The following LIPA variants were observed in gnomAD, a reference collection of about 807,000 sequenced individuals.
The protein encoded by LIPA is lysosomal acid lipase/cholesteryl ester hydrolase.
In LIPA, 26 loss-of-function variants were observed where a neutral mutation model predicts 40.6. The ratio of observed to expected loss-of-function variants is 0.64; its 90% CI spans 0.47 to 0.89. LIPA has a LOEUF of 0.89. Among genes scored for constraint, LIPA ranks in the 40% least tolerant of loss-of-function variants. The pLI is 0.00. For missense variants in LIPA, 455 were observed against 479.6 expected, an observed-to-expected ratio of 0.95 and a Z score of 0.48; for synonymous variants, 188 against 168.4, an observed-to-expected ratio of 1.12 and a Z score of -0.90.
intron 1 of LIPA, among the ~76,000 whole-genome samples, chr10:89,282,804 G>T (rs1363322700): frequency 6.6e-6 from 1 of 152,182 alleles, no homozygotes; most frequent in Non-Finnish European, 1.5e-5. Flanking sequence ...GCATTTCAGA[G>T]TTGAAATCAG....
chr10:89,403,464 A>C (rs771744609), intron 2 of LIPA: 14 of 1,613,370 alleles, frequency 8.7e-6, no homozygotes, highest in Non-Finnish European at 1.2e-5. Context: ...ATCTGACGTC[A>C]ATGCAATTAT....
At chr10:89,318,611 A>G (rs892743392) in intron 1 of LIPA, among the ~76,000 whole-genome samples, 3 of 152,182 alleles carry the variant, frequency 2.0e-5, no homozygotes. Context: ...AACAATAATA[A>G]CAGGAGACTT....
At chr10:89,354,045 A>G (rs900604240) in intron 2 of LIPA, among the ~76,000 whole-genome samples, 1 of 152,122 alleles carries the variant, frequency 6.6e-6, no homozygotes, top group Non-Finnish European at 1.5e-5. Context: ...ACTTGCCTCA[A>G]TCTCTCTCTT....
chr10:89,312,605 G>A (rs1050259459), intron 1 of LIPA, among the ~76,000 whole-genome samples: 3 of 151,778 alleles, frequency 2.0e-5, no homozygotes, highest in African/African-American at 4.8e-5. Context: ...TCAGGAGATC[G>A]AGACCCTCCT....
chr10:89,285,662 A>C (rs781178115), intron 1 of LIPA, among the ~76,000 whole-genome samples: 10 of 151,230 alleles, frequency 6.6e-5, no homozygotes, highest in Non-Finnish European at 1.0e-4. Flanking sequence ...CCTTCTCTCC[A>C]TGTCTCTACC....
At chr10:89,401,202 T>C (rs893204690) in intron 2 of LIPA, among the ~76,000 whole-genome samples, 1 of 151,916 alleles carries the variant, frequency 6.6e-6, no homozygotes, top group African/African-American at 2.4e-5. Flanking sequence ...CTGCAACCTC[T>C]GCCTCTCAGA....
intron 1 of LIPA, among the ~76,000 whole-genome samples, chr10:89,323,467 C>T (rs1023813438): frequency 7.9e-5 from 12 of 151,770 alleles, no homozygotes; most frequent in African/African-American, 2.9e-4. Context: ...ATAAAAGGCA[C>T]CTAGATAGGA....
chr10:89,245,810 C>T lies in LIPA; in HGVS notation c.112-17G>A, dbSNP rs368249630. 57 of 1,287,318 alleles carry T rather than the reference C, an allele frequency of 4.4e-5. No individual in the cohort carries two copies. The highest frequency in any genetic ancestry group is 9.5e-5 in the South Asian group (8 of 84,604). 79.7% of individuals were successfully genotyped at this position (1,287,318 alleles called of 1,614,324 possible). A position where few individuals can be genotyped will look rare whatever the true frequency, so the allele number is the denominator to read the frequency against. ...AATTTCACTCTGTAGAGAAAAAGGA[C>T]GATGGAAATTGGGTGGACAGAATCT... On this transcript the variant is annotated splice_polypyrimidine_tract_variant and intron_variant, in intron 2 of 9. Transcript: ENST00000336233.
intron 1 of LIPA, among the ~76,000 whole-genome samples, chr10:89,269,384 T>C (rs1432574357): frequency 6.6e-6 from 1 of 152,182 alleles, no homozygotes; most frequent in Non-Finnish European, 1.5e-5. Flanking sequence ...ATACGCTCTA[T>C]ATCCATGGTA....
chr10:89,326,793 T>C (rs1843603746), intron 1 of LIPA, among the ~76,000 whole-genome samples: 1 of 152,228 alleles, frequency 6.6e-6, no homozygotes, highest in Admixed American at 6.5e-5. Flanking sequence ...GATGGTCAGA[T>C]ACCTAATGTT....
At chr10:89,327,425 C>T (rs148337203) in intron 1 of LIPA, among the ~76,000 whole-genome samples, 4 of 152,014 alleles carry the variant, frequency 2.6e-5, no homozygotes, top group Non-Finnish European at 5.9e-5. Flanking sequence ...GTGGTGGGTG[C>T]CTGTAATCCC....
chr10:89,338,706 A>G (rs1169987503), intron 1 of LIPA: 8 of 1,613,844 alleles, frequency 5.0e-6, no homozygotes, highest in Non-Finnish European at 5.9e-6. Context: ...CACAGCTGAA[A>G]TGCCATTTCA....
intron 1 of LIPA, among the ~76,000 whole-genome samples, chr10:89,250,399 G>A (rs1262253468): frequency 1.3e-5 from 2 of 152,062 alleles, no homozygotes; most frequent in African/African-American, 4.8e-5. Context: ...CACCGCGCCC[G>A]ACCGTGAACT....
chr10:89,370,034 A>G (rs554804676), intron 2 of LIPA, among the ~76,000 whole-genome samples: 40 of 152,388 alleles, frequency 2.6e-4, no homozygotes, highest in African/African-American at 8.9e-4. Context: ...AGCATCTGAC[A>G]CTGCAGGCTT....
chr10:89,235,311 C>T (rs1842891058), intron 3 of LIPA, among the ~76,000 whole-genome samples: 1 of 152,170 alleles, frequency 6.6e-6, no homozygotes. Context: ...CTATGCCCTA[C>T]GGGTGGCTCT....
At chr10:89,403,598 C>G in intron 2 of LIPA, 2 of 1,613,854 alleles carry the variant, frequency 1.2e-6, no homozygotes, top group Non-Finnish European at 1.7e-6. Context: ...AAAGCTTGAG[C>G]CTCCTTGGGT....
At chr10:89,367,263 T>G (rs1422250888) in intron 2 of LIPA, among the ~76,000 whole-genome samples, 1 of 152,132 alleles carries the variant, frequency 6.6e-6, no homozygotes, top group African/African-American at 2.4e-5. Context: ...ACGTGGCACA[T>G]GAATACATAT....
intron 1 of LIPA, among the ~76,000 whole-genome samples, chr10:89,335,152 G>C (rs1589607470): frequency 6.6e-6 from 1 of 152,116 alleles, no homozygotes; most frequent in South Asian, 2.1e-4. Flanking sequence ...AGGGAGTAAG[G>C]CTTAGGAAAA....
intron 1 of LIPA, chr10:89,293,678 A>ACGAGAGAGAGAGAGAGAGAG (rs563646884): frequency 4.6e-4 from 58 of 126,350 alleles, no homozygotes; most frequent in Middle Eastern, 3.7e-3. Context: ...TCTGTGTGAG[A>ACGAGAGAGAGAGAGAGAGAG]TGAGAGAGAG....
Sources: allele counts gnomAD v4.1 joint callset (sites outside exome capture counted in the v4.1 genomes callset), GRCh38; gene constraint gnomAD v4.1.1; transcripts MANE v1.5; gene names NCBI Gene and HGNC (gene_info 2026-07-23, HGNC 2026-07-21).